Variants in ANGPT1 observed in about 807,000 individuals in gnomAD.
The protein encoded by ANGPT1 is angiopoietin 1, also known as angiopoietin-1.
In ANGPT1, 17 loss-of-function variants were observed where a neutral mutation model predicts 62.2. The observed-to-expected ratio is 0.27, with a 90% CI of 0.19 to 0.41. ANGPT1 has a LOEUF of 0.41. Among genes scored for constraint, ANGPT1 ranks in the 10% least tolerant of loss-of-function variants. The probability of loss-of-function intolerance (pLI) is 1.00; values close to 1 mark genes in which losing one functional copy is unlikely to be tolerated. For synonymous variants in ANGPT1, 199 were observed against 198.9 expected, an observed-to-expected ratio of 1.00 and a Z score of 0.00; for missense variants, 478 against 594.9, an observed-to-expected ratio of 0.80 and a Z score of 2.04.
At chr8:107,327,269 T>C (rs1484916079) in intron 3 of ANGPT1, among the ~76,000 whole-genome samples, 7 of 152,110 alleles carry the variant, frequency 4.6e-5, no homozygotes, top group Non-Finnish European at 8.8e-5. Context: ...AAGCCTTTCA[T>C]TGATTCTTTA....
At chr8:107,483,901 G>A (rs891525544) in intron 1 of ANGPT1, among the ~76,000 whole-genome samples, 1 of 152,150 alleles carries the variant, frequency 6.6e-6, no homozygotes, top group Non-Finnish European at 1.5e-5. Flanking sequence ...AAATAGCAAT[G>A]AATTATTTGC....
chr8:107,352,182 T>A (rs1395390516), intron 1 of ANGPT1, among the ~76,000 whole-genome samples: 1 of 152,138 alleles, frequency 6.6e-6, no homozygotes, highest in Admixed American at 6.6e-5. Flanking sequence ...GCACAAAATA[T>A]GTAAAAATGA....
intron 1 of ANGPT1, among the ~76,000 whole-genome samples, chr8:107,348,436 TTCAA>T (rs1815858912): frequency 6.6e-6 from 1 of 152,220 alleles, no homozygotes; most frequent in Admixed American, 6.5e-5. Flanking sequence ...AAAAATGGTT[TTCAA>T]TCAAACTCTT....
At chr8:107,262,880 CAG>C (rs1255550160) in intron 8 of ANGPT1, among the ~76,000 whole-genome samples, 1 of 152,192 alleles carries the variant, frequency 6.6e-6, no homozygotes, top group Non-Finnish European at 1.5e-5. Flanking sequence ...TCCCAAACTT[CAG>C]ACAGTCATGT....
chr8:107,469,262 T>G (rs1016931749), intron 1 of ANGPT1, among the ~76,000 whole-genome samples: 8 of 151,998 alleles, frequency 5.3e-5, no homozygotes, highest in Non-Finnish European at 1.2e-4. Context: ...ATCTTTTATT[T>G]TGTATTCTCA....
chr8:107,379,279 C>T (rs994878640), intron 1 of ANGPT1, among the ~76,000 whole-genome samples: 11 of 151,966 alleles, frequency 7.2e-5, no homozygotes, highest in African/African-American at 2.7e-4. Flanking sequence ...CTCAATTGCT[C>T]CCTCCCTTGG....
intron 4 of ANGPT1, among the ~76,000 whole-genome samples, chr8:107,317,478 T>A (rs571275885): frequency 1.1e-4 from 17 of 152,262 alleles, no homozygotes; most frequent in East Asian, 5.8e-4. Context: ...ATACTTTTTT[T>A]AAAAACTTTT....
chr8:107,285,782 C>G (rs749123044), intron 6 of ANGPT1, among the ~76,000 whole-genome samples: 2 of 151,844 alleles, frequency 1.3e-5, no homozygotes, highest in African/African-American at 2.4e-5. Context: ...TCAGAAAATA[C>G]TCATTGGCAG....
chr8:107,285,103 A>T lies in ANGPT1; in HGVS notation c.1039-255T>A, dbSNP rs372389167. Among the ~76,000 whole-genome samples the T allele has an allele frequency of 2.6e-5, 4 of 152,292 alleles. No individual in the cohort carries two copies. In the South Asian group the frequency reaches 8.3e-4, roughly 32 times the overall value. On this transcript the variant is annotated intron_variant, in intron 6 of 8. Coordinates refer to ENST00000517746, the MANE Select transcript of ANGPT1 (RefSeq NM_001146.5). ...CTGTGTGGATGAGACATTTTGTATAAAATAAATCTAGTTAATAGGTTTAAC... is the reference window on the plus strand; with the variant it reads ...CTGTGTGGATGAGACATTTTGTATATAATAAATCTAGTTAATAGGTTTAAC...
At chr8:107,296,000 T>A (rs1586197334) in intron 5 of ANGPT1, among the ~76,000 whole-genome samples, 1 of 152,136 alleles carries the variant, frequency 6.6e-6, no homozygotes, top group Admixed American at 6.6e-5. Context: ...TACCAGTGAT[T>A]ATACTCAACA....
chr8:107,432,663 C>CA (rs35833239), intron 1 of ANGPT1, among the ~76,000 whole-genome samples: 1,593 of 86,188 alleles, frequency 0.018, 25 homozygotes, highest in African/African-American at 0.061. Flanking sequence ...GACTCCATCT[C>CA]AAAAAAAAAA....
At chr8:107,465,014 T>A (rs1812166080) in intron 1 of ANGPT1, among the ~76,000 whole-genome samples, 1 of 152,106 alleles carries the variant, frequency 6.6e-6, no homozygotes, top group Non-Finnish European at 1.5e-5. Context: ...AAAAGGTAGT[T>A]ATAATATAGT....
rs1813205566 is a variant in ANGPT1 at position 107,249,691 on chromosome 8, G to T, written c.*2164C>A. The T allele has an allele frequency of 6.6e-6, 1 of 151,980 alleles. No homozygotes were observed. Among genetic ancestry groups the T allele is most frequent in the Admixed American group, 6.6e-5 (1 of 15,248 alleles). 9.4% of individuals were successfully genotyped at this position (151,980 alleles called of 1,614,324 possible). Reference sequence around the variant, plus strand: ...TAACAATCATAAAACATTTTATACTGATTTATTATAAATAATTGGAAACAA... The same window carrying T: ...TAACAATCATAAAACATTTTATACTTATTTATTATAAATAATTGGAAACAA... On this transcript the variant is annotated 3_prime_UTR_variant, in exon 9 of 9. Transcript: ENST00000517746.
chr8:107,294,797 C>G (rs566067367), intron 5 of ANGPT1: 5 of 152,110 alleles, frequency 3.3e-5, no homozygotes, highest in African/African-American at 7.2e-5. Context: ...TCATTTCCCC[C>G]AGGGTCTACC....
At chr8:107,357,996 C>G (rs1014102356) in intron 1 of ANGPT1, among the ~76,000 whole-genome samples, 10 of 152,030 alleles carry the variant, frequency 6.6e-5, no homozygotes, top group African/African-American at 2.4e-4. Flanking sequence ...TGTTGGTTGT[C>G]TTTCTCTTCT....
At chr8:107,332,279 T>C (rs1331534625) in intron 3 of ANGPT1, among the ~76,000 whole-genome samples, 2 of 152,218 alleles carry the variant, frequency 1.3e-5, no homozygotes, top group Admixed American at 6.5e-5. Flanking sequence ...ATTCCAATTA[T>C]ATGGTTGAGT....
In ANGPT1 at chr8:107,497,440, T is replaced by C. The variant is rs747886726; in HGVS notation, c.119A>G (p.Gln40Arg). 2 of 1,614,172 alleles carry C rather than the reference T, an allele frequency of 1.2e-6. No homozygotes were observed. The highest frequency in any genetic ancestry group is 8.5e-7 in the Non-Finnish European group (1 of 1,180,036). The change falls in exon 1 of 9, where the codon CAA (glutamine) becomes CGA (arginine). Residue 40 changes from glutamine to arginine, a missense_variant. Physicochemically the swap from Gln to Arg is conservative, Grantham distance 43. Coordinates refer to ENST00000517746, the MANE Select transcript of ANGPT1 (RefSeq NM_001146.5). Reference sequence around the variant, plus strand: ...TGGAAGAATGAAAGTGTAGGCACATTGCCCATGTTGAATCCGGTTATATCT... The same window carrying C: ...TGGAAGAATGAAAGTGTAGGCACATCGCCCATGTTGAATCCGGTTATATCT... ...GRRYNRIQHG[Q>R]CAYTFILPEH...
At chr8:107,409,613 C>T (rs1187574919) in intron 1 of ANGPT1, among the ~76,000 whole-genome samples, 1 of 152,146 alleles carries the variant, frequency 6.6e-6, no homozygotes. Flanking sequence ...TTTACCTTTT[C>T]ATAGACAGAC....
At chr8:107,281,683 C>T (rs975737866) in intron 7 of ANGPT1, among the ~76,000 whole-genome samples, 6 of 152,068 alleles carry the variant, frequency 3.9e-5, no homozygotes, top group African/African-American at 7.2e-5. Context: ...GAGGCTGAGG[C>T]GGGAGAATTG....
Sources: gnomAD v4.1 joint callset for allele counts (sites outside exome capture counted in the v4.1 genomes callset) on GRCh38, gnomAD v4.1.1 for gene constraint, MANE v1.5 for transcripts, NCBI Gene and HGNC (gene_info 2026-07-23, HGNC 2026-07-21) for gene names.